The following MYO16 variants were observed in gnomAD, a reference collection of about 807,000 sequenced individuals.
MYO16 encodes myosin XVI, also known as unconventional myosin-XVI.
Under a neutral mutation model 205.3 loss-of-function variants are expected in MYO16, and 94 were observed. That is an observed-to-expected ratio of 0.46 (90% confidence interval 0.39 to 0.54). The LOEUF (loss-of-function observed/expected upper bound fraction) is 0.54, where lower values mean the gene tolerates loss of function less well. Ranked by LOEUF, MYO16 falls within the 20% of genes least tolerant of loss-of-function variation. The pLI, the probability that MYO16 is intolerant of heterozygous loss-of-function variation, is 0.00. For synonymous variants in MYO16, 988 were observed against 954.0 expected (o/e 1.04, Z -0.66); for missense variants, 2,315 against 2,387.5 (o/e 0.97, Z 0.63).
At chr13:109,122,703 A>T (rs1876049827) in intron 29 of MYO16, among the ~76,000 whole-genome samples, 1 of 151,312 alleles carries the variant, frequency 6.6e-6, no homozygotes, top group African/African-American at 2.4e-5. Context: ...AAAAAAAAAA[A>T]TGGTCTTAAA....
At chr13:109,157,356 C>T (rs1038380794) in intron 32 of MYO16, among the ~76,000 whole-genome samples, 7 of 152,108 alleles carry the variant, frequency 4.6e-5, no homozygotes, top group Non-Finnish European at 1.0e-4. Flanking sequence ...TCTCTGCTCC[C>T]ACTTCCCGGT....
chr13:109,088,588 G>C (rs552275898), intron 27 of MYO16, among the ~76,000 whole-genome samples: 1 of 152,208 alleles, frequency 6.6e-6, no homozygotes, highest in East Asian at 1.9e-4. Context: ...TTGTCTGGGA[G>C]GAGAGACCCC....
the MYO16 span, among the ~76,000 whole-genome samples, chr13:108,537,949 C>G: frequency 3.9e-5 from 6 of 151,978 alleles, no homozygotes; most frequent in Non-Finnish European, 8.8e-5. Context: ...AATATTTTCT[C>G]CCATTCTGTA....
intron 23 of MYO16, among the ~76,000 whole-genome samples, chr13:109,030,728 C>A (rs150292461): frequency 6.6e-6 from 1 of 152,244 alleles, no homozygotes; most frequent in South Asian, 2.1e-4. Flanking sequence ...TTTTTAATAT[C>A]TCTATTAGTA....
chr13:108,998,009 G>C (rs1445738210), intron 21 of MYO16, among the ~76,000 whole-genome samples: 1 of 152,176 alleles, frequency 6.6e-6, no homozygotes, highest in Non-Finnish European at 1.5e-5. Context: ...GGGCTATGTG[G>C]TCAGAGTTTG....
At chr13:109,004,274 T>C (rs531693448) in intron 21 of MYO16, among the ~76,000 whole-genome samples, 1 of 152,170 alleles carries the variant, frequency 6.6e-6, no homozygotes, top group South Asian at 2.1e-4. Flanking sequence ...ATATATCATA[T>C]AGTCAAAGAA....
At chr13:108,837,284 T>C (rs142924904) in intron 9 of MYO16, among the ~76,000 whole-genome samples, 12,940 of 152,216 alleles carry the variant, frequency 0.085, 657 homozygotes, top group Middle Eastern at 0.16. Context: ...GATTGTAAGT[T>C]TCCTGAGGCC....
At chr13:108,518,668 T>C in the MYO16 span, among the ~76,000 whole-genome samples, 4,147 of 152,216 alleles carry the variant, frequency 0.027, 189 homozygotes, top group African/African-American at 0.093. Flanking sequence ...TAATTACTAC[T>C]TGAAGAAGTG....
chr13:109,096,450 TGG>T (rs1387028004), intron 27 of MYO16, among the ~76,000 whole-genome samples: 2 of 152,302 alleles, frequency 1.3e-5, no homozygotes, highest in East Asian at 3.9e-4. Context: ...CACTTATCTT[TGG>T]CGGGGGGACA....
chr13:108,759,714 C>G (rs34106584), intron 4 of MYO16, among the ~76,000 whole-genome samples: 28,798 of 151,114 alleles, frequency 0.19, 2,928 homozygotes, highest in Non-Finnish European at 0.22. Context: ...CCAGCTACTC[C>G]GGAGGCTAAG....
rs540238310 is a variant in MYO16, at chr13:109,144,404, T to C, written c.5164+3028T>C. On this transcript the variant is annotated intron_variant, in intron 32 of 34. Transcript: ENST00000457511. ...TCATGGATAGTTCAGGCCATTCTTT[T>C]AGAATGTAGGAGAGGTTAAACATAA... Among the ~76,000 whole-genome samples the C allele has an allele frequency of 2.6e-5, 4 of 152,310 alleles. No individual in the cohort carries two copies. The East Asian group carries it at 7.7e-4, about 29-fold the overall frequency.
chr13:108,820,739 T>A (rs1179955891), intron 8 of MYO16, among the ~76,000 whole-genome samples: 2 of 152,340 alleles, frequency 1.3e-5, no homozygotes, highest in South Asian at 4.1e-4. Flanking sequence ...TTTACTGTTA[T>A]TTAACTAATA....
At chr13:108,656,703 C>A (rs1881260886) in intron 1 of MYO16, among the ~76,000 whole-genome samples, 2 of 152,108 alleles carry the variant, frequency 1.3e-5, no homozygotes, top group Admixed American at 6.6e-5. Flanking sequence ...TTATTTCCTT[C>A]TGTTGATTCA....
At chr13:108,600,344 A>G (rs1382629338) in intron 1 of MYO16, among the ~76,000 whole-genome samples, 2 of 152,156 alleles carry the variant, frequency 1.3e-5, no homozygotes, top group Non-Finnish European at 2.9e-5. Context: ...AATGTGGGTA[A>G]TTATAACATT....
Position 108,712,603 on chromosome 13 carries a change from G to T in MYO16, c.293-58G>T. The stretch of plus-strand genomic sequence containing the variant: ...ATATTAACGAAAGCCTACACATTTG[G>T]TTCCACACGTGGAAGAAGGACTCTC... On this transcript the variant is annotated intron_variant, in intron 2 of 34. Coordinates refer to ENST00000457511, the MANE Select transcript of MYO16 (RefSeq NM_001198950.3). The T allele has an allele frequency of 4.1e-6, 6 of 1,452,104 alleles. No homozygotes were observed. In the South Asian group the frequency reaches 6.8e-5, roughly 17 times the overall value. 90.0% of individuals were successfully genotyped at this position (1,452,104 alleles called of 1,614,324 possible).
At chr13:108,839,380 A>T (rs1406233380) in intron 9 of MYO16, among the ~76,000 whole-genome samples, 2 of 152,186 alleles carry the variant, frequency 1.3e-5, no homozygotes, top group Non-Finnish European at 2.9e-5. Flanking sequence ...TCTGGCTATG[A>T]AATTTTTATG....
In MYO16 at chr13:109,199,192, G is replaced by GTATATA. The variant is rs4000581; in HGVS notation, c.5416-7374_5416-7369dup. ...TCAAGTAAATGGTTTAATAAAAAAG[G>GTATATA]TATATATATATATATATATATATAT... On this transcript the variant is annotated intron_variant, in intron 34 of 34. Coordinates refer to ENST00000457511, the MANE Select transcript of MYO16 (RefSeq NM_001198950.3). Among the ~76,000 whole-genome samples, 71 of 75,562 alleles carry GTATATA rather than the reference G, an allele frequency of 9.4e-4. 2 individuals carry two copies. Among genetic ancestry groups the GTATATA allele is most frequent in the South Asian group, 1.3e-3 (3 of 2,230 alleles). 49.6% of individuals were successfully genotyped at this position (75,562 alleles called of 152,430 possible). A position where few individuals can be genotyped will look rare whatever the true frequency, so the allele number is the denominator to read the frequency against.
chr13:108,665,029 G>T (rs999549240), intron 1 of MYO16, among the ~76,000 whole-genome samples: 7 of 152,102 alleles, frequency 4.6e-5, no homozygotes, highest in African/African-American at 7.2e-5. Context: ...CACTGATGAT[G>T]AGAAAAAGAG....
At chr13:108,885,039 C>T (rs570803491) in intron 13 of MYO16, among the ~76,000 whole-genome samples, 4 of 151,878 alleles carry the variant, frequency 2.6e-5, no homozygotes, top group Admixed American at 1.3e-4. Context: ...ATTCTAGACA[C>T]GAGGATGAGA....
Sources: gnomAD v4.1 joint callset for allele counts (sites outside exome capture counted in the v4.1 genomes callset) on GRCh38, gnomAD v4.1.1 for gene constraint, MANE v1.5 for transcripts, NCBI Gene and HGNC (gene_info 2026-07-23, HGNC 2026-07-21) for gene names.